The following PRKCE variants were observed in gnomAD, a reference collection of about 807,000 sequenced individuals.
PRKCE encodes protein kinase C epsilon, also known as protein kinase C epsilon type.
A neutral mutation model predicts 85.4 loss-of-function variants in PRKCE; 16 were observed. The ratio of observed to expected loss-of-function variants is 0.19; its 90% confidence interval spans 0.13 to 0.28. The LOEUF (loss-of-function observed/expected upper bound fraction) is 0.28. Among genes scored for constraint, PRKCE ranks in the 10% least tolerant of loss-of-function variants. The probability of loss-of-function intolerance (pLI) is 1.00; values close to 1 mark genes in which losing one functional copy is unlikely to be tolerated. For missense variants in PRKCE, 573 were observed against 975.2 expected (o/e 0.59, Z 5.49); for synonymous variants, 388 against 371.5 (o/e 1.04, Z -0.51).
chr2:45,919,846 G>C (rs1698122156), intron 2 of PRKCE, among the ~76,000 whole-genome samples: 1 of 152,234 alleles, frequency 6.6e-6, no homozygotes, highest in Non-Finnish European at 1.5e-5. Flanking sequence ...CCCCAAAGGG[G>C]AAAATACATG....
intron 2 of PRKCE, among the ~76,000 whole-genome samples, chr2:45,938,557 C>G (rs1699645962): frequency 1.3e-5 from 2 of 152,122 alleles, no homozygotes; most frequent in Non-Finnish European, 2.9e-5. Context: ...AAACCCCCAT[C>G]AAGCCTTGCA....
intron 6 of PRKCE, among the ~76,000 whole-genome samples, chr2:45,988,969 T>C (rs1001664983): frequency 2.4e-4 from 36 of 152,162 alleles, no homozygotes; most frequent in African/African-American, 1.4e-4. Flanking sequence ...TACCCTTTGA[T>C]TGCAGTTTCC....
intron 14 of PRKCE, among the ~76,000 whole-genome samples, chr2:46,182,647 G>A (rs2104733963): frequency 6.6e-6 from 1 of 152,296 alleles, no homozygotes; most frequent in East Asian, 1.9e-4. Flanking sequence ...GACTGGTGGT[G>A]CTAAAAGATG....
intron 2 of PRKCE, among the ~76,000 whole-genome samples, chr2:45,955,701 A>T (rs1398277732): frequency 1.3e-5 from 2 of 152,168 alleles, no homozygotes; most frequent in African/African-American, 4.8e-5. Flanking sequence ...GCAGATGTTC[A>T]TTCTAAATTG....
chr2:45,673,615 T>C (rs557856148), intron 1 of PRKCE, among the ~76,000 whole-genome samples: 3 of 152,344 alleles, frequency 2.0e-5, no homozygotes, highest in Non-Finnish European at 4.4e-5. Flanking sequence ...TATCCATTTA[T>C]GTTAATATTT....
chr2:45,962,032 A>G (rs1311874059), intron 2 of PRKCE, among the ~76,000 whole-genome samples: 3 of 152,164 alleles, frequency 2.0e-5, no homozygotes, highest in African/African-American at 7.2e-5. Context: ...CCTCAACCCC[A>G]GCCTCGCCTT....
chr2:45,983,805 C>T (rs764274889), intron 5 of PRKCE, among the ~76,000 whole-genome samples: 2 of 152,170 alleles, frequency 1.3e-5, no homozygotes, highest in Non-Finnish European at 2.9e-5. Context: ...TCCGTTCTGA[C>T]TGATCCACAG....
At chr2:45,662,464 T>A (rs1675713854) in intron 1 of PRKCE, among the ~76,000 whole-genome samples, 1 of 152,120 alleles carries the variant, frequency 6.6e-6, no homozygotes, top group African/African-American at 2.4e-5. Flanking sequence ...ATGAAATGTA[T>A]TGAATAGGGG....
chr2:45,898,485 G>T (rs1456301692), intron 2 of PRKCE, among the ~76,000 whole-genome samples: 1 of 152,216 alleles, frequency 6.6e-6, no homozygotes, highest in African/African-American at 2.4e-5. Flanking sequence ...TACTCAGAGA[G>T]GACTGGGTCG....
chr2:45,909,793 T>C (rs1385137829), intron 2 of PRKCE, among the ~76,000 whole-genome samples: 1 of 152,234 alleles, frequency 6.6e-6, no homozygotes, highest in Non-Finnish European at 1.5e-5. Context: ...CAGGTCACCA[T>C]ACCTGTCTCT....
intron 11 of PRKCE, among the ~76,000 whole-genome samples, chr2:46,132,520 C>G (rs1043803296): frequency 1.3e-5 from 2 of 152,178 alleles, no homozygotes; most frequent in Non-Finnish European, 2.9e-5. Flanking sequence ...TCTCTAATCA[C>G]CTTTGATTTT....
At chr2:46,177,103 G>C (rs1679501562) in intron 14 of PRKCE, among the ~76,000 whole-genome samples, 1 of 152,078 alleles carries the variant, frequency 6.6e-6, no homozygotes, top group African/African-American at 2.4e-5. Context: ...AAGTGTAAAG[G>C]ATTACGTTTG....
intron 2 of PRKCE, among the ~76,000 whole-genome samples, chr2:45,924,135 G>A (rs142611266): frequency 1.1e-4 from 17 of 152,136 alleles, no homozygotes; most frequent in African/African-American, 2.4e-4. Context: ...GCCTTAAACC[G>A]TCAGGGACTT....
chr2:46,175,117 C>T (rs1679300294), intron 14 of PRKCE, among the ~76,000 whole-genome samples: 1 of 151,966 alleles, frequency 6.6e-6, no homozygotes, highest in Non-Finnish European at 1.5e-5. Flanking sequence ...AAAGATGTCC[C>T]ACCAGTATAT....
chr2:46,011,577 A>G (rs570643995), intron 10 of PRKCE, among the ~76,000 whole-genome samples: 1 of 152,270 alleles, frequency 6.6e-6, no homozygotes, highest in Admixed American at 6.5e-5. Flanking sequence ...CAGAACCCCA[A>G]TCACTTGAGC....
At chr2:46,031,415 A>G (rs971533779) in intron 10 of PRKCE, among the ~76,000 whole-genome samples, 1 of 152,088 alleles carries the variant, frequency 6.6e-6, no homozygotes. Flanking sequence ...CTCTTCCACA[A>G]ACCCTTCAGT....
At chr2:45,792,492 G>T (rs570445660) in intron 1 of PRKCE, among the ~76,000 whole-genome samples, 1 of 141,296 alleles carries the variant, frequency 7.1e-6, no homozygotes, top group South Asian at 2.1e-4. Flanking sequence ...AGCTAGAGAA[G>T]GGTGCCCTTC....
At chr2:45,941,418 C>T (rs998836707) in intron 2 of PRKCE, among the ~76,000 whole-genome samples, 1 of 152,144 alleles carries the variant, frequency 6.6e-6, no homozygotes, top group African/African-American at 2.4e-5. Context: ...ACGTGGCCTC[C>T]AGCCTTAAGA....
At chr2:45,742,375 C>T (rs553972650) in intron 1 of PRKCE, among the ~76,000 whole-genome samples, 40 of 151,656 alleles carry the variant, frequency 2.6e-4, no homozygotes, top group South Asian at 2.1e-4. Flanking sequence ...TTCAAGGCTG[C>T]GATGAGCTAT....
Sources: gnomAD v4.1 joint callset for allele counts (sites outside exome capture counted in the v4.1 genomes callset) on GRCh38, gnomAD v4.1.1 for gene constraint, MANE v1.5 for transcripts, NCBI Gene and HGNC (gene_info 2026-07-23, HGNC 2026-07-21) for gene names.